Variants in WDPCP observed in about 807,000 individuals in gnomAD.
WDPCP encodes the protein WD repeat-containing and planar cell polarity effector protein fritz homolog.
WDPCP carries 71 observed loss-of-function variants against 93.1 expected under a neutral mutation model. That is an observed-to-expected ratio of 0.76 (90% CI 0.63 to 0.93). The LOEUF (loss-of-function observed/expected upper bound fraction) is 0.93. Among genes scored for constraint, WDPCP ranks in the 40% least tolerant of loss-of-function variants. The probability of loss-of-function intolerance (pLI) is 0.00; values close to 1 mark genes in which losing one functional copy is unlikely to be tolerated. For synonymous variants in WDPCP, 315 were observed against 315.0 expected (o/e 1.00, Z 0.00); for missense variants, 844 against 887.4 (o/e 0.95, Z 0.62).
At chr2:63,544,188 A>T (rs1704965478) in intron 1 of WDPCP, among the ~76,000 whole-genome samples, 1 of 152,076 alleles carries the variant, frequency 6.6e-6, no homozygotes, top group Non-Finnish European at 1.5e-5. Context: ...TGCATACTTC[A>T]TTATATGGTC....
chr2:63,688,059 T>C lies in WDPCP; in HGVS notation n.309-37221A>G, dbSNP rs1025796490. ...ACAACATGGATGGAACTGGAGATCA[T>C]TATAGCTAAGTGAAATAAGCCAGGC... is the stretch of plus-strand genomic sequence containing the variant. On this transcript the variant is annotated intron_variant and non_coding_transcript_variant, in intron 2 of 4. Transcript: ENST00000467687. Among the ~76,000 whole-genome samples the C allele has an allele frequency of 1.8e-4, 27 of 152,170 alleles. 1 individual carries two copies. Among genetic ancestry groups the C allele is most frequent in the Admixed American group, 1.6e-3 (25 of 15,284 alleles).
intron 2 of WDPCP, among the ~76,000 whole-genome samples, chr2:63,669,502 G>T (rs1273687287): frequency 6.6e-6 from 1 of 151,896 alleles, no homozygotes; most frequent in African/African-American, 2.4e-5. Flanking sequence ...TGGGATTACA[G>T]GTACGTGCCA....
Position 63,286,891 on chromosome 2 carries a change from T to C in WDPCP, c.1812+26357A>G, listed in dbSNP as rs564197509. Among the ~76,000 whole-genome samples, 4 of 152,336 alleles carry C rather than the reference T, an allele frequency of 2.6e-5. No individual in the cohort carries two copies. The East Asian group carries it at 7.7e-4, about 29-fold the overall frequency. On this transcript the variant is annotated intron_variant, in intron 13 of 17. Transcript: ENST00000272321. ...TTCCTATTTACTAGTTCTAAAGTTA[T>C]AGCATTTATAGTAGTCGGCTAAGGC...
intron 13 of WDPCP, among the ~76,000 whole-genome samples, chr2:63,296,192 T>C (rs1684840285): frequency 6.9e-6 from 1 of 144,232 alleles, no homozygotes; most frequent in South Asian, 2.3e-4. Context: ...AAAAACCATA[T>C]GATCATCTCA....
At chr2:63,320,613 T>C (rs1687008533) in intron 12 of WDPCP, among the ~76,000 whole-genome samples, 1 of 152,074 alleles carries the variant, frequency 6.6e-6, no homozygotes, top group Non-Finnish European at 1.5e-5. Context: ...ATTTCTACAT[T>C]TTAATTCTAA....
intron 12 of WDPCP, among the ~76,000 whole-genome samples, chr2:63,337,423 T>A (rs1463197623): frequency 1.3e-5 from 2 of 152,236 alleles, no homozygotes; most frequent in Non-Finnish European, 2.9e-5. Flanking sequence ...ATTTTGGCTA[T>A]TGTGAATAGT....
intron 2 of WDPCP, among the ~76,000 whole-genome samples, chr2:63,750,727 A>G (rs1344274111): frequency 1.3e-5 from 2 of 151,782 alleles, no homozygotes; most frequent in Non-Finnish European, 2.9e-5. Context: ...TTCTGCATCT[A>G]TGGAAATGAT....
At chr2:63,804,290 G>T (rs924436360) in intron 2 of WDPCP, among the ~76,000 whole-genome samples, 1 of 142,794 alleles carries the variant, frequency 7.0e-6, no homozygotes, top group South Asian at 2.2e-4. Context: ...TCGCTCTGTC[G>T]CCCAGGCTGG....
intron 13 of WDPCP, among the ~76,000 whole-genome samples, chr2:63,273,918 T>C (rs370725785): frequency 1.3e-5 from 2 of 152,250 alleles, no homozygotes; most frequent in East Asian, 1.9e-4. Context: ...TCAACACTTT[T>C]CATTCTCAGC....
intron 2 of WDPCP, among the ~76,000 whole-genome samples, chr2:63,691,796 GT>G (rs1668895028): frequency 6.6e-6 from 1 of 151,550 alleles, no homozygotes; most frequent in African/African-American, 2.4e-5. Flanking sequence ...GAATAAAAAA[GT>G]TTTGGTTTAC....
At chr2:63,187,836 G>A (rs977219844) in intron 14 of WDPCP, among the ~76,000 whole-genome samples, 4 of 152,074 alleles carry the variant, frequency 2.6e-5, no homozygotes, top group African/African-American at 9.7e-5. Context: ...CTATGTTGGT[G>A]CCTACCATCC....
chr2:63,142,817 GGTGTGTGTGT>G (rs143419326), intron 17 of WDPCP, among the ~76,000 whole-genome samples: 42 of 146,480 alleles, frequency 2.9e-4, no homozygotes, highest in Admixed American at 1.7e-3. Context: ...CAGTGTTAGG[GGTGTGTGTGT>G]GTGTGTGTGT....
intron 1 of WDPCP, among the ~76,000 whole-genome samples, chr2:63,552,825 G>C (rs1241937629): frequency 6.6e-6 from 1 of 152,190 alleles, no homozygotes; most frequent in African/African-American, 2.4e-5. Context: ...TGTCAGATGA[G>C]TAGCAAACTT....
intron 2 of WDPCP, among the ~76,000 whole-genome samples, chr2:63,715,791 G>A (rs1669328842): frequency 6.6e-6 from 1 of 152,132 alleles, no homozygotes; most frequent in South Asian, 2.1e-4. Flanking sequence ...AGCATCAGGA[G>A]GTGTCAGGAT....
At chr2:63,204,020 A>G (rs921151776) in intron 14 of WDPCP, among the ~76,000 whole-genome samples, 1 of 152,226 alleles carries the variant, frequency 6.6e-6, no homozygotes, top group Non-Finnish European at 1.5e-5. Context: ...ATGGGAGTGC[A>G]GATATCTCTT....
At chr2:63,647,929 T>C (rs1283621768) in intron 3 of WDPCP, among the ~76,000 whole-genome samples, 5 of 152,166 alleles carry the variant, frequency 3.3e-5, no homozygotes, top group African/African-American at 1.2e-4. Flanking sequence ...AATCTATATC[T>C]CTAACAACTT....
intron 6 of WDPCP, 121 bp downstream of exon 6, chr2:63,484,483 T>G: frequency 1.9e-6 from 2 of 1,069,940 alleles, no homozygotes; most frequent in Non-Finnish European, 2.8e-6. Context: ...ATTCAAACTA[T>G]GAAATAACCA....
At chr2:63,597,722 G>A in intron 3 of WDPCP, 2 of 620,392 alleles carry the variant, frequency 3.2e-6, no homozygotes, top group Non-Finnish European at 4.8e-6. Flanking sequence ...TGCTTGATAA[G>A]CTCTCCCTTT....
At chr2:63,446,682 C>T (rs1359578670) in intron 6 of WDPCP, among the ~76,000 whole-genome samples, 1 of 152,176 alleles carries the variant, frequency 6.6e-6, no homozygotes, top group Non-Finnish European at 1.5e-5. Flanking sequence ...CCACAGGAAA[C>T]CCACCCTGTG....
Sources: allele counts gnomAD v4.1 joint callset (sites outside exome capture counted in the v4.1 genomes callset), GRCh38; gene constraint gnomAD v4.1.1; transcripts MANE v1.5; gene names NCBI Gene and HGNC (gene_info 2026-07-23, HGNC 2026-07-21).